The following TCAIM variants were observed in gnomAD, a reference collection of about 807,000 sequenced individuals.
TCAIM encodes the protein T-cell activation inhibitor, mitochondrial.
A neutral mutation model predicts 58.6 loss-of-function variants in TCAIM; 36 were observed. The ratio of observed to expected loss-of-function variants is 0.61; its 90% CI spans 0.47 to 0.81. TCAIM has a LOEUF of 0.81. TCAIM is among the 30% of genes least tolerant of loss of function. The pLI is 0.00. For synonymous variants in TCAIM, 172 were observed against 193.6 expected (o/e 0.89, Z 0.93); for missense variants, 466 against 579.6 (o/e 0.80, Z 2.01).
At chr3:44,399,189 A>G (rs1701985178) in intron 8 of TCAIM, among the ~76,000 whole-genome samples, 1 of 152,198 alleles carries the variant, frequency 6.6e-6, no homozygotes. Flanking sequence ...AAGATTAATG[A>G]ATTGTATCAA....
At chr3:44,389,245 G>C (rs1353281424) in intron 5 of TCAIM, among the ~76,000 whole-genome samples, 2 of 152,176 alleles carry the variant, frequency 1.3e-5, no homozygotes, top group African/African-American at 4.8e-5. Context: ...AGCCGAGATC[G>C]TGCCACTGCA....
intron 5 of TCAIM, among the ~76,000 whole-genome samples, chr3:44,372,601 T>C (rs1158055381): frequency 1.3e-5 from 2 of 151,822 alleles, no homozygotes; most frequent in African/African-American, 2.4e-5. Flanking sequence ...TTTTTTTTTT[T>C]CTTTTTTTAA....
intron 5 of TCAIM, among the ~76,000 whole-genome samples, chr3:44,381,780 C>T (rs1701659591): frequency 6.6e-6 from 1 of 152,062 alleles, no homozygotes; most frequent in African/African-American, 2.4e-5. Flanking sequence ...GCAAATTCAG[C>T]AAGTTAGCAG....
chr3:44,350,411 C>CCA (rs1351014845), intron 1 of TCAIM, among the ~76,000 whole-genome samples: 1 of 151,966 alleles, frequency 6.6e-6, no homozygotes, highest in African/African-American at 2.4e-5. Context: ...CCCGAAGGCC[C>CCA]CACTTCCTTC....
At chr3:44,378,258 G>A (rs568405212) in intron 5 of TCAIM, among the ~76,000 whole-genome samples, 4 of 152,130 alleles carry the variant, frequency 2.6e-5, no homozygotes, top group African/African-American at 9.6e-5. Flanking sequence ...GCACATGCCT[G>A]TAATCCCAGC....
chr3:44,363,433 T>A (rs1198323794), intron 4 of TCAIM, among the ~76,000 whole-genome samples: 3 of 152,226 alleles, frequency 2.0e-5, no homozygotes, highest in East Asian at 1.9e-4. Context: ...AGTAGATTTT[T>A]AAAAAATTTT....
intron 5 of TCAIM, among the ~76,000 whole-genome samples, chr3:44,391,884 T>C (rs780419603): frequency 9.2e-5 from 14 of 152,216 alleles, no homozygotes; most frequent in Non-Finnish European, 2.1e-4. Flanking sequence ...CCATTGCCTC[T>C]TAATTGTCAC....
chr3:44,378,478 C>T (rs540528983), intron 5 of TCAIM, among the ~76,000 whole-genome samples: 42 of 151,744 alleles, frequency 2.8e-4, no homozygotes, highest in African/African-American at 1.0e-3. Context: ...AGAAGATGTA[C>T]ATGCAGCCAA....
chr3:44,344,759 C>G (rs1700930407), intron 1 of TCAIM, among the ~76,000 whole-genome samples: 9 of 151,746 alleles, frequency 5.9e-5, no homozygotes, highest in Admixed American at 5.9e-4. Flanking sequence ...AAAAAGAGAG[C>G]AGAGGGAGTT....
chr3:44,384,246 A>G (rs1195003554), intron 5 of TCAIM, among the ~76,000 whole-genome samples: 1 of 151,916 alleles, frequency 6.6e-6, no homozygotes, highest in Non-Finnish European at 1.5e-5. Context: ...TTAAAATCCA[A>G]TAAAGTGTTC....
In TCAIM at chr3:44,381,290, G is replaced by T. The variant is rs559452909; in HGVS notation, c.573-11565G>T. Among the ~76,000 whole-genome samples the T allele has an allele frequency of 1.1e-4, 16 of 152,158 alleles. 1 individual carries two copies. In the South Asian group the frequency reaches 2.7e-3, roughly 26 times the overall value. ...TGACCAAGTAGGATATATTCCTAGA[G>T]TACAAGGATGGTTCCACATACAAAA... is the stretch of plus-strand genomic sequence containing the variant. On this transcript the variant is annotated intron_variant, in intron 5 of 10. Coordinates refer to ENST00000342649, the MANE Select transcript of TCAIM (RefSeq NM_173826.4).
chr3:44,374,259 A>G (rs1243595024), intron 5 of TCAIM, among the ~76,000 whole-genome samples: 1 of 150,102 alleles, frequency 6.7e-6, no homozygotes. Flanking sequence ...GTGACTCAGG[A>G]CTAGCAAAGT....
intron 1 of TCAIM, among the ~76,000 whole-genome samples, chr3:44,344,244 A>G (rs1268755514): frequency 2.0e-5 from 3 of 151,706 alleles, no homozygotes; most frequent in Non-Finnish European, 2.9e-5. Context: ...ACTCCTGCCC[A>G]TTTTCACCTC....
intron 1 of TCAIM, among the ~76,000 whole-genome samples, chr3:44,351,968 C>A (rs977957584): frequency 6.6e-6 from 1 of 151,152 alleles, no homozygotes; most frequent in African/African-American, 2.4e-5. Context: ...CTATTAATAA[C>A]AGTTATGCTT....
In TCAIM at chr3:44,407,584, C is replaced by T. The variant is rs1702120155; in HGVS notation, c.1393C>T (p.His465Tyr). The change falls in exon 11 of 11, where the codon CAT becomes TAT. Residue 465 changes from histidine (H) to tyrosine (Y), a missense_variant. By Grantham distance (83) the His-to-Tyr change is moderately conservative. Coordinates refer to ENST00000342649, the MANE Select transcript of TCAIM (RefSeq NM_173826.4). ...RLLEQSLPYL[H>Y]GMHLCISHFY... ...TCTAGAACAATCACTGCCTTACCTA[C>T]ATGGGATGCACCTCTGCATTTCACA... 6.2e-7 allele frequency: 1 copy of T among 1,614,004 alleles called. No homozygotes were observed. Among genetic ancestry groups the T allele is most frequent in the Non-Finnish European group, 8.5e-7 (1 of 1,179,958 alleles).
intron 10 of TCAIM, among the ~76,000 whole-genome samples, chr3:44,403,849 C>T (rs7653843): frequency 0.51 from 76,833 of 151,760 alleles, 20,232 homozygotes; most frequent in East Asian, 0.81. Flanking sequence ...TCTGAGCCTC[C>T]ATCATTTTGT....
At chr3:44,370,751 T>TC (rs1701453933) in intron 5 of TCAIM, among the ~76,000 whole-genome samples, 1 of 33,068 alleles carries the variant, frequency 3.0e-5, no homozygotes, top group Non-Finnish European at 9.6e-5. Context: ...TCTTTCTTTC[T>TC]TTCTTTTTTT....
At chr3:44,404,483 ATACTT>A (rs1342756899) in intron 10 of TCAIM, among the ~76,000 whole-genome samples, 6 of 151,726 alleles carry the variant, frequency 4.0e-5, no homozygotes, top group Non-Finnish European at 8.8e-5. Context: ...CCTCATCCCT[ATACTT>A]AGCCCCCAAG....
chr3:44,344,804 A>G (rs369971002), intron 1 of TCAIM, among the ~76,000 whole-genome samples: 5 of 152,058 alleles, frequency 3.3e-5, no homozygotes, highest in African/African-American at 1.2e-4. Flanking sequence ...TTGGGTAGGT[A>G]GTGGGGAAGA....
Sources: gnomAD v4.1 joint callset for allele counts (sites outside exome capture counted in the v4.1 genomes callset) on GRCh38, gnomAD v4.1.1 for gene constraint, MANE v1.5 for transcripts, NCBI Gene and HGNC (gene_info 2026-07-23, HGNC 2026-07-21) for gene names.